FMN2: variants seen among roughly 807,000 people sequenced by gnomAD.
FMN2 encodes the protein formin 2.
In FMN2, 51 loss-of-function variants were observed where a neutral mutation model predicts 142.3. That is an observed-to-expected ratio of 0.36 (90% CI 0.29 to 0.45). FMN2 has a LOEUF of 0.45. FMN2 is among the 20% of genes least tolerant of loss of function. The probability of loss-of-function intolerance (pLI) is 1.00; values close to 1 mark genes in which losing one functional copy is unlikely to be tolerated. For missense variants in FMN2, 1,936 were observed against 2,122.8 expected, an observed-to-expected ratio of 0.91 and a Z score of 1.73; for synonymous variants, 882 against 869.8, an observed-to-expected ratio of 1.01 and a Z score of -0.25.
intron 1 of FMN2, among the ~76,000 whole-genome samples, chr1:240,111,998 A>G (rs754117734): frequency 6.6e-6 from 1 of 152,220 alleles, no homozygotes; most frequent in Non-Finnish European, 1.5e-5. Context: ...CTTCATGGTT[A>G]TACTATTCTA....
rs76724708 is a variant in FMN2, at chr1:240,474,199, C to T, written c.*45C>T. 0.017 allele frequency: 25,757 copies of T among 1,515,122 alleles called. 360 individuals carry two copies. Among genetic ancestry groups the T allele is most frequent in the South Asian group, 0.022 (1,718 of 76,482 alleles). 93.9% of individuals were successfully genotyped at this position (1,515,122 alleles called of 1,614,324 possible). On this transcript the variant is annotated 3_prime_UTR_variant, in exon 18 of 18. Transcript: ENST00000319653. ...AAATGAGTCATTGCAACGACTTTCA[C>T]AAAATTCAGCTGACCTGAGAGTGGG...
At chr1:240,265,124 A>C (rs2102909192) in intron 7 of FMN2, among the ~76,000 whole-genome samples, 1 of 152,344 alleles carries the variant, frequency 6.6e-6, no homozygotes, top group South Asian at 2.1e-4. Context: ...GCAAAAATAA[A>C]ACTGGCAAAC....
At chr1:240,449,365 CT>C (rs1441264965) in intron 16 of FMN2, among the ~76,000 whole-genome samples, 1 of 152,120 alleles carries the variant, frequency 6.6e-6, no homozygotes, top group African/African-American at 2.4e-5. Flanking sequence ...ACCGCTCAGG[CT>C]TTTTGCTTGC....
chr1:240,158,821 T>C (rs896688619), intron 2 of FMN2, among the ~76,000 whole-genome samples: 1 of 152,208 alleles, frequency 6.6e-6, no homozygotes. Flanking sequence ...GCTAATGTAA[T>C]ATTTCAATTC....
In FMN2 at chr1:240,432,329, G is replaced by C. The variant is rs141134327; in HGVS notation, c.4911-5732G>C. Among the ~76,000 whole-genome samples, 61 of 152,054 alleles carry C rather than the reference G, an allele frequency of 4.0e-4. 1 individual carries two copies. The highest frequency in any genetic ancestry group is 1.4e-3 in the African/African-American group (57 of 41,532). On this transcript the variant is annotated intron_variant, in intron 15 of 17. Transcript: ENST00000319653. ...ATCATCACATTATCATTTTAAGCCA[G>C]TATGATCTATAAAGATGACTGCTTT...
chr1:240,181,173 T>G (rs1404403056), intron 3 of FMN2, among the ~76,000 whole-genome samples: 2 of 151,928 alleles, frequency 1.3e-5, no homozygotes, highest in African/African-American at 4.8e-5. Flanking sequence ...CCCAGCTAAT[T>G]TTTGTATTTT....
intron 2 of FMN2, among the ~76,000 whole-genome samples, chr1:240,130,686 T>A (rs1320683612): frequency 6.6e-6 from 1 of 152,232 alleles, no homozygotes; most frequent in Non-Finnish European, 1.5e-5. Context: ...ATCCTTTTCT[T>A]ATACAGGGAA....
At chr1:240,372,743 C>T (rs1173283381) in intron 14 of FMN2, among the ~76,000 whole-genome samples, 1 of 151,166 alleles carries the variant, frequency 6.6e-6, no homozygotes, top group African/African-American at 2.4e-5. Flanking sequence ...CAGACCACCA[C>T]AGTAAAGCAA....
chr1:240,224,828 T>C (rs1159572302), intron 6 of FMN2, among the ~76,000 whole-genome samples: 1 of 152,070 alleles, frequency 6.6e-6, no homozygotes, highest in Non-Finnish European at 1.5e-5. Flanking sequence ...GAGGTCTATA[T>C]AGTGGGGGAG....
intron 3 of FMN2, chr1:240,180,079 G>T: frequency 5.5e-6 from 4 of 725,140 alleles, no homozygotes; most frequent in African/African-American, 3.8e-5. Flanking sequence ...CCTGGTTTTT[G>T]CTTCATGATT....
chr1:240,439,628 A>G (rs1675538230), intron 16 of FMN2, among the ~76,000 whole-genome samples: 1 of 152,252 alleles, frequency 6.6e-6, no homozygotes, highest in Non-Finnish European at 1.5e-5. Flanking sequence ...AAAGATAATG[A>G]GCTTATTCTG....
intron 2 of FMN2, among the ~76,000 whole-genome samples, chr1:240,127,293 G>C (rs1211894212): frequency 6.6e-6 from 1 of 151,640 alleles, no homozygotes; most frequent in Non-Finnish European, 1.5e-5. Context: ...GGCTGGTCTT[G>C]AACTCCTGAC....
intron 13 of FMN2, chr1:240,341,534 A>C (rs988856792): frequency 2.0e-5 from 3 of 152,156 alleles, no homozygotes; most frequent in Non-Finnish European, 2.9e-5. Flanking sequence ...TCTTTTGTAA[A>C]TAAAATTCAG....
chr1:240,096,047 A>G (rs2103165597), intron 1 of FMN2, among the ~76,000 whole-genome samples: 1 of 152,304 alleles, frequency 6.6e-6, no homozygotes, highest in Non-Finnish European at 1.5e-5. Context: ...AAAGAGGATC[A>G]GTAGGTTTTA....
intron 2 of FMN2, among the ~76,000 whole-genome samples, chr1:240,168,708 T>C (rs998460477): frequency 1.3e-5 from 2 of 151,658 alleles, no homozygotes; most frequent in African/African-American, 4.8e-5. Context: ...AGTAAGAAAA[T>C]AAAAAGGTGC....
chr1:240,330,229 A>G (rs756348068), intron 10 of FMN2, among the ~76,000 whole-genome samples: 6 of 152,206 alleles, frequency 3.9e-5, no homozygotes, highest in Non-Finnish European at 5.9e-5. Flanking sequence ...CATTAAGACA[A>G]TGGCAGTGAT....
At chr1:240,383,887 AATATAT>A (rs1214605635) in intron 14 of FMN2, among the ~76,000 whole-genome samples, 5 of 150,332 alleles carry the variant, frequency 3.3e-5, no homozygotes, top group Admixed American at 1.3e-4. Flanking sequence ...AAAGAAAAAA[AATATAT>A]ATATATATAT....
intron 2 of FMN2, among the ~76,000 whole-genome samples, chr1:240,150,426 C>T (rs551228219): frequency 6.6e-6 from 1 of 152,272 alleles, no homozygotes; most frequent in South Asian, 2.1e-4. Flanking sequence ...TGTCTGTAAA[C>T]ACAAGGAAAG....
chr1:240,152,011 C>T (rs1376969944), intron 2 of FMN2, among the ~76,000 whole-genome samples: 1 of 152,126 alleles, frequency 6.6e-6, no homozygotes, highest in African/African-American at 2.4e-5. Flanking sequence ...AAGCAATCCT[C>T]CTGCTTCAGC....
Sources: gnomAD v4.1 joint callset for allele counts (sites outside exome capture counted in the v4.1 genomes callset) on GRCh38, gnomAD v4.1.1 for gene constraint, MANE v1.5 for transcripts, NCBI Gene and HGNC (gene_info 2026-07-23, HGNC 2026-07-21) for gene names.